Variants in TMEM150C observed in about 807,000 individuals in gnomAD.
The protein encoded by TMEM150C is tentonin 3.
In TMEM150C, 10 loss-of-function variants were observed where a neutral mutation model predicts 29.9. That is an observed-to-expected ratio of 0.33 (90% CI 0.21 to 0.57). TMEM150C has a LOEUF of 0.57. Among genes scored for constraint, TMEM150C ranks in the 20% least tolerant of loss-of-function variants. TMEM150C has a pLI of 0.88. For missense variants in TMEM150C, 251 were observed against 303.6 expected, an observed-to-expected ratio of 0.83 and a Z score of 1.29; for synonymous variants, 101 against 112.5, an observed-to-expected ratio of 0.90 and a Z score of 0.64.
In TMEM150C at chr4:82,549,116, C is replaced by G. The variant is rs550028312; in HGVS notation, c.-11+12790G>C. On this transcript the variant is annotated intron_variant, in intron 1 of 7. Transcript: ENST00000449862. ...CCCAATTCAGAGATAACCACTGTTA[C>G]ATTTGATGTGCAATCTTTTGCACAA... Among the ~76,000 whole-genome samples, 9 of 149,956 alleles carry G rather than the reference C, an allele frequency of 6.0e-5. No homozygotes were observed. In the East Asian group the frequency reaches 1.7e-3, roughly 29 times the overall value.
At position 82,527,324 on chromosome 4, in the gene TMEM150C, T is replaced by A. The variant is rs142699832; in HGVS notation, c.-10-22657A>T. Among the ~76,000 whole-genome samples the A allele has an allele frequency of 5.2e-3, 794 of 152,270 alleles. 8 individuals carry two copies. Among genetic ancestry groups the A allele is most frequent in the African/African-American group, 0.018 (733 of 41,556 alleles). ...GATGTTCAGAGCCACTCTGTTCTTA[T>A]GTTCCGAGGATCAGGGCAGGTGCTT... On this transcript the variant is annotated intron_variant, in intron 1 of 7. Coordinates refer to ENST00000449862, the MANE Select transcript of TMEM150C (RefSeq NM_001080506.3).
chr4:82,483,572 G>C lies in TMEM150C; in HGVS notation c.*1939C>G, dbSNP rs1374341019. 6.6e-6 allele frequency: 1 copy of C among 152,138 alleles called. No individual in the cohort carries two copies. The highest frequency in any genetic ancestry group is 1.5e-5 in the Non-Finnish European group (1 of 67,996). 9.4% of individuals were successfully genotyped at this position (152,138 alleles called of 1,614,324 possible). A position where few individuals can be genotyped will look rare whatever the true frequency, so the allele number is the denominator to read the frequency against. On this transcript the variant is annotated 3_prime_UTR_variant, in exon 8 of 8. Coordinates refer to ENST00000449862, the MANE Select transcript of TMEM150C (RefSeq NM_001080506.3). ...TTCCATTCCTGTCTCACATGAAACA[G>C]CCATCTTCCATGCTCTCTCACTCAT...
chr4:82,515,751 A>T (rs1724276454), intron 1 of TMEM150C, among the ~76,000 whole-genome samples: 2 of 151,866 alleles, frequency 1.3e-5, no homozygotes, highest in Non-Finnish European at 1.5e-5. Flanking sequence ...AAAAAAAAAA[A>T]AGAATCTCTT....
At chr4:82,528,270 C>T (rs943765220) in intron 1 of TMEM150C, among the ~76,000 whole-genome samples, 1 of 152,218 alleles carries the variant, frequency 6.6e-6, no homozygotes, top group Non-Finnish European at 1.5e-5. Flanking sequence ...TCTCGAACTT[C>T]AGCAGGCATC....
At chr4:82,493,547 A>G (rs1011395460) in intron 6 of TMEM150C, among the ~76,000 whole-genome samples, 7 of 152,172 alleles carry the variant, frequency 4.6e-5, no homozygotes, top group Admixed American at 2.0e-4. Context: ...TAGTGTCAAC[A>G]TTCATGGTCT....
intron 7 of TMEM150C, among the ~76,000 whole-genome samples, chr4:82,487,100 A>G (rs1372486275): frequency 6.6e-6 from 1 of 152,178 alleles, no homozygotes; most frequent in Non-Finnish European, 1.5e-5. Context: ...AAGAAAAAAA[A>G]AAGATTCCAC....
rs1723127846 is a variant in TMEM150C at position 82,485,451 on chromosome 4, G to A, written c.*60C>T. The A allele has an allele frequency of 7.7e-7, 1 of 1,304,070 alleles. No individual in the cohort carries two copies. The highest frequency in any genetic ancestry group is 2.0e-5 in the Admixed American group (1 of 50,254). The allele number at this position is 1,304,070 out of a possible 1,614,324, so 80.8% of individuals were successfully genotyped here. A position where few individuals can be genotyped will look rare whatever the true frequency, so the allele number is the denominator to read the frequency against. ...GTTCTATGTCAAGTCCTGTGAGTGT[G>A]TCCTACTGGCCCCTCCCCCACTGTC... On this transcript the variant is annotated 3_prime_UTR_variant, in exon 8 of 8. Transcript: ENST00000449862.
intron 1 of TMEM150C, among the ~76,000 whole-genome samples, chr4:82,531,612 G>A (rs1724848274): frequency 6.6e-6 from 1 of 151,996 alleles, no homozygotes; most frequent in South Asian, 2.1e-4. Context: ...AAAATTAGCT[G>A]GGCGTAGTGG....
intron 1 of TMEM150C, among the ~76,000 whole-genome samples, chr4:82,544,392 G>A (rs1219131879): frequency 6.6e-6 from 1 of 152,204 alleles, no homozygotes; most frequent in African/African-American, 2.4e-5. Context: ...AAGTTAACAG[G>A]TATTTATTGA....
chr4:82,538,858 T>G (rs1238168535), intron 1 of TMEM150C, among the ~76,000 whole-genome samples: 1 of 152,034 alleles, frequency 6.6e-6, no homozygotes, highest in East Asian at 1.9e-4. Flanking sequence ...CTCAGGAGTT[T>G]GAGACCAGCC....
At position 82,484,761 on chromosome 4, in the gene TMEM150C, A is replaced by G. The variant is rs1273613151; in HGVS notation, c.*750T>C. The G allele has an allele frequency of 6.6e-6, 1 of 152,252 alleles. No homozygotes were observed. The highest frequency in any genetic ancestry group is 1.5e-5 in the Non-Finnish European group (1 of 68,066). 9.4% of individuals were successfully genotyped at this position (152,252 alleles called of 1,614,324 possible). ...TATAAAACATTGTACATGGCATACT[A>G]TGAAAGCAAACACTAAACCATACCT... is the stretch of plus-strand genomic sequence containing the variant. On this transcript the variant is annotated 3_prime_UTR_variant, in exon 8 of 8. Transcript: ENST00000449862.
chr4:82,544,086 T>C (rs1230355601), intron 1 of TMEM150C, among the ~76,000 whole-genome samples: 1 of 152,216 alleles, frequency 6.6e-6, no homozygotes, highest in East Asian at 1.9e-4. Flanking sequence ...ACCGTCCAGG[T>C]GTAGCTGGCA....
chr4:82,528,334 G>A (rs78630590), intron 1 of TMEM150C, among the ~76,000 whole-genome samples: 5,474 of 152,262 alleles, frequency 0.036, 309 homozygotes, highest in African/African-American at 0.12. Context: ...CACCTCTGAA[G>A]TTCTGGCTCA....
At chr4:82,500,106 T>C (rs1311495038) in intron 5 of TMEM150C, among the ~76,000 whole-genome samples, 1 of 152,316 alleles carries the variant, frequency 6.6e-6, no homozygotes, top group African/African-American at 2.4e-5. Flanking sequence ...AAATGCAGTT[T>C]CAAGACAAAA....
At chr4:82,507,019 T>C (rs1360101263) in intron 1 of TMEM150C, among the ~76,000 whole-genome samples, 3 of 152,210 alleles carry the variant, frequency 2.0e-5, no homozygotes, top group African/African-American at 4.8e-5. Context: ...CATTTTCTTA[T>C]GGTGTTACAG....
At chr4:82,546,586 T>C (rs770719915) in intron 1 of TMEM150C, among the ~76,000 whole-genome samples, 2 of 152,142 alleles carry the variant, frequency 1.3e-5, no homozygotes, top group Non-Finnish European at 2.9e-5. Flanking sequence ...CCCAGCACTT[T>C]GGGAGGCCGA....
At chr4:82,501,080 G>A (rs573116723) in intron 5 of TMEM150C, among the ~76,000 whole-genome samples, 126 of 152,336 alleles carry the variant, frequency 8.3e-4, no homozygotes, top group Non-Finnish European at 1.5e-3. Context: ...TTCACTCTTG[G>A]GGCTTTGTGC....
At chr4:82,494,876 C>A in intron 6 of TMEM150C, 1 of 525,488 alleles carries the variant, frequency 1.9e-6, no homozygotes, top group South Asian at 1.7e-5. Context: ...CAGAAGCTCG[C>A]AGAGAGGAAA....
At chr4:82,528,100 T>C (rs1286783098) in intron 1 of TMEM150C, among the ~76,000 whole-genome samples, 2 of 152,220 alleles carry the variant, frequency 1.3e-5, no homozygotes, top group Non-Finnish European at 2.9e-5. Flanking sequence ...AAGAGCTAAC[T>C]ATGATAGAAT....
Sources: gnomAD v4.1 joint callset for allele counts (sites outside exome capture counted in the v4.1 genomes callset) on GRCh38, gnomAD v4.1.1 for gene constraint, MANE v1.5 for transcripts, NCBI Gene and HGNC (gene_info 2026-07-23, HGNC 2026-07-21) for gene names.